The following COL25A1 variants were observed in gnomAD, a reference collection of about 807,000 sequenced individuals.
COL25A1 encodes the protein collagen alpha-1(XXV) chain.
COL25A1 carries 103 observed loss-of-function variants against 128.4 expected under a neutral mutation model. That is an observed-to-expected ratio of 0.80 (90% confidence interval 0.68 to 0.94). The LOEUF is 0.94. Among genes scored for constraint, COL25A1 ranks in the 40% least tolerant of loss-of-function variants. COL25A1 has a pLI of 0.00. For missense variants in COL25A1, 745 were observed against 840.0 expected, an observed-to-expected ratio of 0.89 and a Z score of 1.40; for synonymous variants, 279 against 277.2, an observed-to-expected ratio of 1.01 and a Z score of -0.06.
In COL25A1 at chr4:108,849,543, G is replaced by A. The variant is rs544786160; in HGVS notation, c.1390-740C>T. 4.3e-4 allele frequency among the ~76,000 whole-genome samples: 66 copies of A among 152,124 alleles called. 1 individual carries two copies. Among genetic ancestry groups the A allele is most frequent in the East Asian group, 1.9e-4 (1 of 5,178 alleles). On this transcript the variant is annotated intron_variant, in intron 26 of 37. Coordinates refer to ENST00000399132, the MANE Select transcript of COL25A1 (RefSeq NM_198721.4). ...CATTAAAAGCAAATTTATACAATAC[G>A]CCAGAAAGTTAATCGAACAGCAAAT...
At chr4:109,217,056 A>C (rs1399923095) in intron 3 of COL25A1, among the ~76,000 whole-genome samples, 1 of 150,180 alleles carries the variant, frequency 6.7e-6, no homozygotes. Flanking sequence ...TTAGTACTTA[A>C]TCTCTCTTTT....
rs1182798573 is a variant in COL25A1, at chr4:109,253,007, T to C, written c.367+47576A>G. On this transcript the variant is annotated intron_variant, in intron 3 of 37. Transcript: ENST00000399132. ...GGATCATAAGCTTTGGGGCTGCTTC[T>C]TCGTGTAACTTACTTGTGTCTTCTC... Among the ~76,000 whole-genome samples the C allele has an allele frequency of 1.3e-5, 2 of 152,188 alleles. 1 individual carries two copies. The highest frequency in any genetic ancestry group is 2.9e-5 in the Non-Finnish European group (2 of 68,034).
At chr4:109,071,285 C>G (rs1417883136) in intron 3 of COL25A1, among the ~76,000 whole-genome samples, 1 of 152,164 alleles carries the variant, frequency 6.6e-6, no homozygotes, top group Non-Finnish European at 1.5e-5. Flanking sequence ...ATACCTTATA[C>G]AAAAATTAAT....
chr4:108,949,814 C>A (rs1749192771), intron 8 of COL25A1, among the ~76,000 whole-genome samples: 3 of 152,174 alleles, frequency 2.0e-5, no homozygotes, highest in Admixed American at 2.0e-4. Context: ...GGATTACAGG[C>A]ATGAGCCACA....
intron 3 of COL25A1, among the ~76,000 whole-genome samples, chr4:109,050,671 T>A (rs1372757716): frequency 6.6e-6 from 1 of 152,060 alleles, no homozygotes; most frequent in Admixed American, 6.6e-5. Context: ...TGGAAAATAA[T>A]CCTTACAAAT....
intron 3 of COL25A1, among the ~76,000 whole-genome samples, chr4:109,117,236 T>C (rs917563286): frequency 1.3e-5 from 2 of 151,672 alleles, no homozygotes; most frequent in Non-Finnish European, 2.9e-5. Context: ...TAAACAAAAA[T>C]CTTGAAAGAG....
intron 35 of COL25A1, chr4:108,819,952 G>A (rs887942747): frequency 1.5e-5 from 13 of 884,306 alleles, no homozygotes; most frequent in South Asian, 5.8e-5. Flanking sequence ...GGAAAATAAC[G>A]GTAATTCAAA....
intron 6 of COL25A1, among the ~76,000 whole-genome samples, chr4:108,986,361 C>T (rs568192227): frequency 5.9e-5 from 9 of 152,192 alleles, no homozygotes; most frequent in Non-Finnish European, 1.2e-4. Flanking sequence ...ATCAGGTCAA[C>T]ATACCTTGAC....
At position 108,925,527 on chromosome 4, in the gene COL25A1, A is replaced by G. The variant is rs1247249067; in HGVS notation, c.709-4923T>C. 2.6e-5 allele frequency among the ~76,000 whole-genome samples: 4 copies of G among 152,172 alleles called. No homozygotes were observed. In the East Asian group the frequency reaches 5.8e-4, roughly 22 times the overall value. On this transcript the variant is annotated intron_variant, in intron 11 of 37. Coordinates refer to ENST00000399132, the MANE Select transcript of COL25A1 (RefSeq NM_198721.4). ...ACACCAAGTAGGCTATCAGTGAGTA[A>G]GTAGGAGATGGGGATACAAACAGGG... is the stretch of plus-strand genomic sequence containing the variant.
At chr4:108,861,105 C>A (rs1737158431) in intron 22 of COL25A1, 134 bp from the exon 23 acceptor site, 5 of 682,420 alleles carry the variant, frequency 7.3e-6, no homozygotes, top group Middle Eastern at 3.4e-4. Flanking sequence ...GCAACCACCA[C>A]CAAAATAGCA....
At chr4:108,940,121 A>G (rs1354049388) in intron 10 of COL25A1, among the ~76,000 whole-genome samples, 1 of 152,164 alleles carries the variant, frequency 6.6e-6, no homozygotes, top group East Asian at 1.9e-4. Context: ...ACTTTGGAAA[A>G]TGTTATTAGA....
intron 36 of COL25A1, among the ~76,000 whole-genome samples, chr4:108,817,792 G>A (rs934758529): frequency 1.3e-4 from 19 of 151,870 alleles, no homozygotes; most frequent in Admixed American, 7.2e-4. Flanking sequence ...TCTCTATTAC[G>A]TAAACCAAAA....
intron 3 of COL25A1, among the ~76,000 whole-genome samples, chr4:109,223,541 A>G (rs557953347): frequency 6.6e-6 from 1 of 152,256 alleles, no homozygotes; most frequent in South Asian, 2.1e-4. Flanking sequence ...ACCAAGTCAG[A>G]AAAGAGTTCT....
chr4:108,923,237 T>C (rs911655246), intron 11 of COL25A1, among the ~76,000 whole-genome samples: 1 of 152,208 alleles, frequency 6.6e-6, no homozygotes, highest in African/African-American at 2.4e-5. Flanking sequence ...TTGCTACCAG[T>C]TGGTTAAGAT....
intron 3 of COL25A1, among the ~76,000 whole-genome samples, chr4:109,210,849 A>C (rs979587208): frequency 6.6e-6 from 1 of 152,146 alleles, no homozygotes; most frequent in African/African-American, 2.4e-5. Context: ...CATAAAAAAG[A>C]ATAAAATTAT....
intron 31 of COL25A1, among the ~76,000 whole-genome samples, chr4:108,835,557 ATTC>A (rs1240394325): frequency 6.8e-6 from 1 of 148,108 alleles, no homozygotes; most frequent in Non-Finnish European, 1.5e-5. Context: ...AAATACATAC[ATTC>A]TTTTTTTTTT....
rs35099153 is a variant in COL25A1 at position 109,297,862 on chromosome 4, C to CT, written c.367+2720dup. Among the ~76,000 whole-genome samples the CT allele has an allele frequency of 7.1e-3, 452 of 63,866 alleles. 38 individuals are homozygous for CT. Among genetic ancestry groups the CT allele is most frequent in the East Asian group, 0.014 (27 of 1,932 alleles). The allele number at this position is 63,866 out of a possible 152,430, so 41.9% of individuals were successfully genotyped here. ...GGTATTATTAGTCTTTTTTCCTTTTCTTTTTTTTTTTTTTTTTTTTTTTTT... is the reference window on the plus strand; with the variant it reads ...GGTATTATTAGTCTTTTTTCCTTTTCTTTTTTTTTTTTTTTTTTTTTTTTTT... On this transcript the variant is annotated intron_variant, in intron 3 of 37. Coordinates refer to ENST00000399132, the MANE Select transcript of COL25A1 (RefSeq NM_198721.4).
chr4:108,852,275 G>C lies in COL25A1; in HGVS notation c.1350C>G (p.Pro450=). Residue 450 remains proline, a synonymous_variant, in exon 26 of 38, where the codon CCC becomes CCG. Coordinates refer to ENST00000399132, the MANE Select transcript of COL25A1 (RefSeq NM_198721.4). ...GTCCTTGAGGTCCAGGAGGTCCAGG[G>C]GGACCCTAAATCAAGAAAAAGCACA... ...QRITTLTVTG[P]PGPPGPQGLQ... 3 of 1,589,944 alleles carry C rather than the reference G, an allele frequency of 1.9e-6. No individual in the cohort carries two copies. Among genetic ancestry groups the C allele is most frequent in the Non-Finnish European group, 2.6e-6 (3 of 1,172,716 alleles).
intron 3 of COL25A1, among the ~76,000 whole-genome samples, chr4:109,252,544 C>A (rs1780731392): frequency 6.6e-6 from 1 of 152,226 alleles, no homozygotes; most frequent in South Asian, 2.1e-4. Context: ...CTTTGGTGAG[C>A]ATTCACATAA....
Sources: allele counts gnomAD v4.1 joint callset (sites outside exome capture counted in the v4.1 genomes callset), GRCh38; gene constraint gnomAD v4.1.1; transcripts MANE v1.5; gene names NCBI Gene and HGNC (gene_info 2026-07-23, HGNC 2026-07-21).